The following HOMER2 variants were observed in gnomAD, a reference collection of about 807,000 sequenced individuals.
HOMER2 encodes homer protein homolog 2.
Under a neutral mutation model 47.0 loss-of-function variants are expected in HOMER2, and 27 were observed. That is an observed-to-expected ratio of 0.57 (90% CI 0.42 to 0.79). HOMER2 has a LOEUF of 0.79. Among genes scored for constraint, HOMER2 ranks in the 30% least tolerant of loss-of-function variants. HOMER2 has a pLI of 0.00. For synonymous variants in HOMER2, 161 were observed against 163.8 expected, an observed-to-expected ratio of 0.98 and a Z score of 0.13; for missense variants, 443 against 435.0, an observed-to-expected ratio of 1.02 and a Z score of -0.16.
chr15:82,939,311 G>A (rs1182015360), intron 1 of HOMER2, among the ~76,000 whole-genome samples: 4 of 152,196 alleles, frequency 2.6e-5, no homozygotes, highest in Non-Finnish European at 5.9e-5. Context: ...ACAACCAAGA[G>A]TGGAGTCCAT....
chr15:82,918,592 T>G (rs2053649879), intron 1 of HOMER2, among the ~76,000 whole-genome samples: 1 of 152,166 alleles, frequency 6.6e-6, no homozygotes, highest in African/African-American at 2.4e-5. Context: ...CATGTCTATG[T>G]GATGACACCT....
At chr15:82,888,545 A>C (rs1380300957) in intron 2 of HOMER2, among the ~76,000 whole-genome samples, 13 of 17,514 alleles carry the variant, frequency 7.4e-4, no homozygotes, top group Non-Finnish European at 9.7e-4. Flanking sequence ...GCAATCAGCG[A>C]GATTCCGTGG....
intron 5 of HOMER2, among the ~76,000 whole-genome samples, chr15:82,855,325 CAAAAAA>C (rs1162254209): frequency 2.1e-4 from 13 of 61,518 alleles, no homozygotes; most frequent in Admixed American, 5.2e-4. Context: ...ACTCCATCTC[CAAAAAA>C]AAAAAAAAAA....
chr15:82,893,399 C>A (rs2052786580), intron 1 of HOMER2, among the ~76,000 whole-genome samples: 1 of 131,510 alleles, frequency 7.6e-6, no homozygotes, highest in Non-Finnish European at 1.5e-5. Context: ...GTGGCATGAT[C>A]TCGGCTCACT....
chr15:82,863,830 A>G (rs1046907137), intron 4 of HOMER2, among the ~76,000 whole-genome samples: 1 of 152,200 alleles, frequency 6.6e-6, no homozygotes, highest in African/African-American at 2.4e-5. Context: ...TCTTGTGGGC[A>G]CAAGGTACCC....
chr15:82,946,746 C>T (rs2054391986), intron 1 of HOMER2, among the ~76,000 whole-genome samples: 1 of 152,176 alleles, frequency 6.6e-6, no homozygotes, highest in African/African-American at 2.4e-5. Flanking sequence ...TTCATTCACA[C>T]CTATTTACAC....
intron 1 of HOMER2, among the ~76,000 whole-genome samples, chr15:82,902,692 T>A (rs1017406008): frequency 6.6e-6 from 1 of 152,222 alleles, no homozygotes; most frequent in Non-Finnish European, 1.5e-5. Flanking sequence ...GAAGACGTCA[T>A]GCCATACCTG....
At chr15:82,857,468 T>C (rs2051626350) in intron 5 of HOMER2, among the ~76,000 whole-genome samples, 1 of 124,170 alleles carries the variant, frequency 8.1e-6, no homozygotes, top group Non-Finnish European at 1.6e-5. Flanking sequence ...TCTTGCTCTG[T>C]CGACCCGGCT....
intron 1 of HOMER2, among the ~76,000 whole-genome samples, chr15:82,943,509 C>T (rs2054308341): frequency 6.6e-6 from 1 of 152,198 alleles, no homozygotes; most frequent in Non-Finnish European, 1.5e-5. Flanking sequence ...ATTCCTTTTC[C>T]CCATGAGGAC....
At chr15:82,930,626 A>G (rs367547412) in intron 1 of HOMER2, among the ~76,000 whole-genome samples, 80 of 152,372 alleles carry the variant, frequency 5.3e-4, no homozygotes, top group African/African-American at 1.9e-3. Flanking sequence ...GCCCACAGTC[A>G]TCCCACATGG....
chr15:82,925,089 C>A (rs1293376093), intron 1 of HOMER2, among the ~76,000 whole-genome samples: 1 of 152,164 alleles, frequency 6.6e-6, no homozygotes, highest in Non-Finnish European at 1.5e-5. Context: ...CTTACCAAAG[C>A]TGTCATCTCA....
upstream of HOMER2, among the ~76,000 whole-genome samples, chr15:82,953,595 C>G (rs545918432): frequency 8.4e-4 from 128 of 152,276 alleles, 1 homozygote; most frequent in African/African-American, 3.0e-3. Context: ...AGGGACAGGT[C>G]GGGCGCGGTG....
intron 2 of HOMER2, among the ~76,000 whole-genome samples, chr15:82,881,866 C>G (rs936223960): frequency 3.3e-5 from 5 of 152,172 alleles, no homozygotes; most frequent in Non-Finnish European, 5.9e-5. Flanking sequence ...TAACTGAGAA[C>G]CAAGGGCAGC....
intron 1 of HOMER2, among the ~76,000 whole-genome samples, chr15:82,931,644 C>T (rs2054014021): frequency 6.6e-6 from 1 of 151,964 alleles, no homozygotes; most frequent in Non-Finnish European, 1.5e-5. Context: ...CGAGACCATC[C>T]TGGCTAACAC....
At chr15:82,976,653 G>T (rs7178149) in intron 1 of HOMER2, among the ~76,000 whole-genome samples, 1 of 144,900 alleles carries the variant, frequency 6.9e-6, no homozygotes, top group South Asian at 2.2e-4. Flanking sequence ...CAATTAGTAC[G>T]ATTAGATCTT....
At chr15:82,865,928 G>A (rs145959744) in intron 3 of HOMER2, among the ~76,000 whole-genome samples, 2,479 of 152,322 alleles carry the variant, frequency 0.016, 33 homozygotes, top group Admixed American at 0.028. Flanking sequence ...GGGCTCTCAT[G>A]GAGAACTCTG....
intron 2 of HOMER2, among the ~76,000 whole-genome samples, chr15:82,876,774 T>C (rs1417484030): frequency 1.3e-5 from 2 of 152,234 alleles, no homozygotes; most frequent in East Asian, 1.9e-4. Flanking sequence ...CAAAAAAAGT[T>C]TGAATGGCAT....
At chr15:82,893,008 A>C (rs1389971157) in intron 1 of HOMER2, among the ~76,000 whole-genome samples, 167 bp from the exon 2 acceptor site, 4 of 152,154 alleles carry the variant, frequency 2.6e-5, no homozygotes, top group African/African-American at 9.7e-5. Flanking sequence ...AAAAAGAGAC[A>C]CCAGTGAGTA....
chr15:82,933,852 G>A (rs941257143), intron 1 of HOMER2, among the ~76,000 whole-genome samples: 2 of 151,974 alleles, frequency 1.3e-5, no homozygotes, highest in African/African-American at 2.4e-5. Context: ...CGAAAGACCC[G>A]CCCCACTCCC....
Sources: allele counts gnomAD v4.1 joint callset (sites outside exome capture counted in the v4.1 genomes callset), GRCh38; gene constraint gnomAD v4.1.1; transcripts MANE v1.5; gene names NCBI Gene and HGNC (gene_info 2026-07-23, HGNC 2026-07-21).